The following DLG2 variants were observed in gnomAD, a reference collection of about 807,000 sequenced individuals.
The protein encoded by DLG2 is disks large homolog 2.
A neutral mutation model predicts 132.5 loss-of-function variants in DLG2; 45 were observed. The observed-to-expected ratio is 0.34, with a 90% CI of 0.27 to 0.44. DLG2 has a LOEUF of 0.44. DLG2 is among the 20% of genes least tolerant of loss of function. DLG2 has a pLI of 1.00. For missense variants in DLG2, 1,045 were observed against 1,196.9 expected, an observed-to-expected ratio of 0.87 and a Z score of 1.87; for synonymous variants, 424 against 419.6, an observed-to-expected ratio of 1.01 and a Z score of -0.13.
At chr11:85,439,262 G>A (rs1306435016) in intron 3 of DLG2, among the ~76,000 whole-genome samples, 2 of 152,016 alleles carry the variant, frequency 1.3e-5, no homozygotes, top group African/African-American at 4.8e-5. Context: ...ATGAATGAAT[G>A]ACCCAGTCTA....
chr11:85,061,452 A>G (rs1000769409), intron 6 of DLG2, among the ~76,000 whole-genome samples: 6 of 151,866 alleles, frequency 4.0e-5, no homozygotes, highest in African/African-American at 1.4e-4. Context: ...TGAATTTCTC[A>G]GTCGCTGCAA....
chr11:83,821,752 C>T (rs73515147), intron 17 of DLG2, among the ~76,000 whole-genome samples: 2 of 151,866 alleles, frequency 1.3e-5, no homozygotes, highest in African/African-American at 2.4e-5. Flanking sequence ...CACAGCCATA[C>T]AGCCAAAGTG....
At chr11:83,743,900 T>A (rs2092724662) in intron 18 of DLG2, among the ~76,000 whole-genome samples, 1 of 152,152 alleles carries the variant, frequency 6.6e-6, no homozygotes, top group African/African-American at 2.4e-5. Context: ...ACGTACTGGG[T>A]ATGTCAATGG....
chr11:83,988,041 T>C (rs1019816474), intron 11 of DLG2, among the ~76,000 whole-genome samples: 1 of 152,166 alleles, frequency 6.6e-6, no homozygotes, highest in African/African-American at 2.4e-5. Flanking sequence ...ATCAGACCTT[T>C]GTCAGATGAA....
intron 3 of DLG2, among the ~76,000 whole-genome samples, chr11:85,535,084 G>A (rs2075489698): frequency 6.6e-6 from 1 of 152,102 alleles, no homozygotes; most frequent in African/African-American, 2.4e-5. Context: ...TTTCTGTGAT[G>A]ATTAGGTTTT....
intron 5 of DLG2, among the ~76,000 whole-genome samples, chr11:85,141,103 C>T (rs1156380744): frequency 6.6e-6 from 1 of 151,828 alleles, no homozygotes; most frequent in East Asian, 1.9e-4. Context: ...ATTGCTCAAT[C>T]ATATGGTAAT....
intron 2 of DLG2, among the ~76,000 whole-genome samples, chr11:85,609,071 TG>T (rs2080801829): frequency 1.3e-5 from 2 of 152,110 alleles, no homozygotes; most frequent in South Asian, 4.1e-4. Flanking sequence ...CATAAACATC[TG>T]TTGACCTGTG....
At position 83,753,892 on chromosome 11, in the gene DLG2, TC is replaced by T. The variant is rs1472759754; in HGVS notation, c.1825+32797del. On this transcript the variant is annotated intron_variant, in intron 18 of 27. Transcript: ENST00000376104. The stretch of plus-strand genomic sequence containing the variant: ...ATATATATGATATATATCATATATA[TC>T]ATATATATATTTCATATATATTTCA... Among the ~76,000 whole-genome samples the T allele has an allele frequency of 9.6e-5, 12 of 124,932 alleles. 1 individual carries two copies. Among genetic ancestry groups the T allele is most frequent in the African/African-American group, 3.0e-4 (9 of 29,854 alleles). 82.0% of individuals were successfully genotyped at this position (124,932 alleles called of 152,430 possible). A position where few individuals can be genotyped will look rare whatever the true frequency, so the allele number is the denominator to read the frequency against.
At chr11:84,740,857 C>T (rs1244718551) in intron 6 of DLG2, among the ~76,000 whole-genome samples, 2 of 152,066 alleles carry the variant, frequency 1.3e-5, no homozygotes. Flanking sequence ...GTAGATGACA[C>T]ATCCCCAGGT....
At chr11:85,205,747 T>C (rs1239507040) in intron 4 of DLG2, among the ~76,000 whole-genome samples, 2 of 152,194 alleles carry the variant, frequency 1.3e-5, no homozygotes, top group Non-Finnish European at 2.9e-5. Flanking sequence ...TAGGAAAGAC[T>C]GACCCAGACA....
intron 4 of DLG2, among the ~76,000 whole-genome samples, chr11:85,279,891 T>A (rs2078126265): frequency 6.6e-6 from 1 of 152,136 alleles, no homozygotes; most frequent in Admixed American, 6.6e-5. Flanking sequence ...GAAGGAATTT[T>A]AAGTAACAGT....
At chr11:85,075,514 A>C (rs2066415600) in intron 6 of DLG2, among the ~76,000 whole-genome samples, 1 of 151,926 alleles carries the variant, frequency 6.6e-6, no homozygotes, top group Non-Finnish European at 1.5e-5. Context: ...ATAGATCTTG[A>C]AAACATTTTA....
At chr11:83,977,878 C>G (rs1277554265) in intron 12 of DLG2, among the ~76,000 whole-genome samples, 1 of 152,086 alleles carries the variant, frequency 6.6e-6, no homozygotes, top group African/African-American at 2.4e-5. Flanking sequence ...ACCTAGTGCA[C>G]TATGAGTTAC....
intron 7 of DLG2, among the ~76,000 whole-genome samples, chr11:84,464,509 C>T (rs1442122544): frequency 6.6e-6 from 1 of 151,060 alleles, no homozygotes; most frequent in Non-Finnish European, 1.5e-5. Context: ...TAAGACCTGG[C>T]TTAAATGGTT....
chr11:85,199,726 A>G (rs1300782496), intron 4 of DLG2, among the ~76,000 whole-genome samples: 4 of 152,214 alleles, frequency 2.6e-5, no homozygotes. Context: ...TCCACAAAAT[A>G]ATAAACAATA....
chr11:84,323,496 G>T (rs1019467007), intron 7 of DLG2, among the ~76,000 whole-genome samples: 2 of 152,088 alleles, frequency 1.3e-5, no homozygotes, highest in Admixed American at 1.3e-4. Context: ...AATGCTCAAT[G>T]AACATGAGAG....
At chr11:85,445,273 C>T (rs569941459) in intron 3 of DLG2, among the ~76,000 whole-genome samples, 1 of 152,246 alleles carries the variant, frequency 6.6e-6, no homozygotes, top group East Asian at 1.9e-4. Flanking sequence ...CAGAAATGGA[C>T]TCCAGACATG....
chr11:83,906,814 CCT>C (rs1053450710), intron 15 of DLG2, among the ~76,000 whole-genome samples: 4 of 152,118 alleles, frequency 2.6e-5, no homozygotes, highest in Non-Finnish European at 5.9e-5. Context: ...AAAAATATCC[CCT>C]GTCAGTATGG....
intron 19 of DLG2, among the ~76,000 whole-genome samples, chr11:83,563,799 A>G (rs563712317): frequency 6.6e-6 from 1 of 152,378 alleles, no homozygotes; most frequent in South Asian, 2.1e-4. Flanking sequence ...TGTGAGGACT[A>G]AATGAAACTG....
Sources: allele counts gnomAD v4.1 joint callset (sites outside exome capture counted in the v4.1 genomes callset), GRCh38; gene constraint gnomAD v4.1.1; transcripts MANE v1.5; gene names NCBI Gene and HGNC (gene_info 2026-07-23, HGNC 2026-07-21).